The following LUZP2 variants were observed in gnomAD, a reference collection of about 807,000 sequenced individuals.
LUZP2 encodes leucine zipper protein 2.
LUZP2 carries 52 observed loss-of-function variants against 51.6 expected under a neutral mutation model. The observed-to-expected ratio is 1.01, with a 90% CI of 0.81 to 1.27. The LOEUF (loss-of-function observed/expected upper bound fraction) is 1.27. Among genes scored for constraint, LUZP2 ranks in the 50% most tolerant of loss-of-function variants. LUZP2 has a pLI of 0.00. For synonymous variants in LUZP2, 154 were observed against 137.3 expected (o/e 1.12, Z -0.85); for missense variants, 436 against 395.4 (o/e 1.10, Z -0.87).
chr11:25,077,477 T>G lies in LUZP2; in HGVS notation c.936+71T>G, dbSNP rs7945044. ...ATCCATTGTATTTATTTATTTATTT[T>G]TATTTATATTATTTTTTATTTTTTA... is the stretch of plus-strand genomic sequence containing the variant. On this transcript the variant is annotated intron_variant, in intron 11 of 11. Coordinates refer to ENST00000336930, the MANE Select transcript of LUZP2 (RefSeq NM_001009909.4). The G allele has an allele frequency of 3.6e-3, 2,144 of 589,352 alleles. 41 individuals are homozygous for G. In the African/African-American group the frequency reaches 0.038, roughly 10 times the overall value. The allele number at this position is 589,352 out of a possible 1,614,324, so 36.5% of individuals were successfully genotyped here. A position where few individuals can be genotyped will look rare whatever the true frequency, so the allele number is the denominator to read the frequency against.
At chr11:24,622,531 G>A (rs981012845) in intron 1 of LUZP2, among the ~76,000 whole-genome samples, 12 of 152,034 alleles carry the variant, frequency 7.9e-5, no homozygotes, top group African/African-American at 2.7e-4. Context: ...CTTTATTCAG[G>A]TAGATTTTTT....
intron 1 of LUZP2, among the ~76,000 whole-genome samples, chr11:24,707,290 C>T (rs1237428919): frequency 6.6e-6 from 1 of 151,110 alleles, no homozygotes; most frequent in Non-Finnish European, 1.5e-5. Flanking sequence ...CTCTCTCTCT[C>T]TCTCATTCTG....
At chr11:24,787,229 A>G (rs1340989121) in intron 5 of LUZP2, among the ~76,000 whole-genome samples, 2 of 152,196 alleles carry the variant, frequency 1.3e-5, no homozygotes, top group Non-Finnish European at 2.9e-5. Context: ...ACATTGAAGT[A>G]TCAGTTGTGT....
intron 1 of LUZP2, among the ~76,000 whole-genome samples, chr11:24,634,045 C>T (rs1012572877): frequency 2.6e-5 from 4 of 151,708 alleles, no homozygotes; most frequent in Admixed American, 2.0e-4. Flanking sequence ...AGCTGAGACT[C>T]TGAAGACAGA....
intron 8 of LUZP2, among the ~76,000 whole-genome samples, chr11:24,979,203 G>A (rs571750698): frequency 3.3e-5 from 5 of 151,884 alleles, no homozygotes; most frequent in Non-Finnish European, 7.4e-5. Flanking sequence ...TACTGAATGA[G>A]ATCACAGACT....
At chr11:24,683,835 G>A (rs975044342) in intron 1 of LUZP2, among the ~76,000 whole-genome samples, 3 of 151,960 alleles carry the variant, frequency 2.0e-5, no homozygotes, top group Non-Finnish European at 4.4e-5. Flanking sequence ...CTCAGTTCAT[G>A]CTGTTTGTCT....
chr11:24,931,249 TAAAATAAAATAAAATAAA>T, intron 7 of LUZP2, among the ~76,000 whole-genome samples: 1 of 149,568 alleles, frequency 6.7e-6, no homozygotes, highest in Non-Finnish European at 1.5e-5. Flanking sequence ...TAAAATAAAA[TAAAATAAAATAAAATAAA>T]ATAAAAAGTT....
chr11:25,071,519 A>G (rs939227354), intron 10 of LUZP2, among the ~76,000 whole-genome samples: 8 of 152,054 alleles, frequency 5.3e-5, no homozygotes, highest in Admixed American at 2.0e-4. Context: ...AAACTTATCA[A>G]TGAAGCACCT....
At chr11:24,828,126 A>G (rs1375697953) in intron 5 of LUZP2, among the ~76,000 whole-genome samples, 1 of 152,168 alleles carries the variant, frequency 6.6e-6, no homozygotes, top group East Asian at 1.9e-4. Context: ...AATGAAAGAT[A>G]GGTAAGTGAG....
intron 1 of LUZP2, among the ~76,000 whole-genome samples, chr11:24,698,794 A>G (rs746391767): frequency 3.9e-5 from 6 of 152,054 alleles, no homozygotes; most frequent in Non-Finnish European, 8.8e-5. Context: ...CCAGGCTCAC[A>G]CTTGTAATCC....
intron 5 of LUZP2, chr11:24,890,844 T>C (rs1244307205): frequency 1.1e-6 from 1 of 883,828 alleles, no homozygotes; most frequent in African/African-American, 1.9e-5. Context: ...AAATCACATA[T>C]AGAAAAAATA....
chr11:24,644,140 G>A (rs1472073800), intron 1 of LUZP2, among the ~76,000 whole-genome samples: 1 of 152,108 alleles, frequency 6.6e-6, no homozygotes, highest in Non-Finnish European at 1.5e-5. Flanking sequence ...GTCTTCCATT[G>A]AACGTGCTAC....
intron 9 of LUZP2, among the ~76,000 whole-genome samples, chr11:25,044,429 A>G (rs1408742250): frequency 1.3e-5 from 2 of 151,800 alleles, no homozygotes; most frequent in Non-Finnish European, 2.9e-5. Context: ...TTCTTTCCAC[A>G]AGGAGCCATC....
intron 1 of LUZP2, among the ~76,000 whole-genome samples, chr11:24,586,708 G>T (rs145115401): frequency 6.6e-6 from 1 of 152,180 alleles, no homozygotes; most frequent in East Asian, 1.9e-4. Context: ...CAAGCAAGAT[G>T]CCTTTAGTGT....
chr11:25,050,418 C>T (rs1858466143), intron 10 of LUZP2, among the ~76,000 whole-genome samples: 1 of 149,856 alleles, frequency 6.7e-6, no homozygotes, highest in African/African-American at 2.4e-5. Context: ...CATTCTCCTG[C>T]CTCAGCCTCC....
At chr11:24,769,741 C>T (rs911418334) in intron 5 of LUZP2, among the ~76,000 whole-genome samples, 5 of 146,194 alleles carry the variant, frequency 3.4e-5, no homozygotes, top group Non-Finnish European at 7.4e-5. Flanking sequence ...GAGACTCATT[C>T]GATAGCTCAA....
At chr11:24,647,888 T>C (rs1160738912) in intron 1 of LUZP2, among the ~76,000 whole-genome samples, 4 of 151,972 alleles carry the variant, frequency 2.6e-5, no homozygotes, top group African/African-American at 9.6e-5. Flanking sequence ...AAGAGCTATA[T>C]AGTACCTACC....
chr11:24,705,988 G>T (rs981996041), intron 1 of LUZP2, among the ~76,000 whole-genome samples: 8 of 151,030 alleles, frequency 5.3e-5, no homozygotes, highest in Non-Finnish European at 8.8e-5. Context: ...AGAAAGCATT[G>T]AGTGACAGCT....
chr11:24,821,466 C>A (rs1456868487), intron 5 of LUZP2, among the ~76,000 whole-genome samples: 5 of 152,086 alleles, frequency 3.3e-5, no homozygotes, highest in African/African-American at 1.2e-4. Flanking sequence ...AACTATTTTA[C>A]CGACTTCATT....
Sources: allele counts gnomAD v4.1 joint callset (sites outside exome capture counted in the v4.1 genomes callset), GRCh38; gene constraint gnomAD v4.1.1; transcripts MANE v1.5; gene names NCBI Gene and HGNC (gene_info 2026-07-23, HGNC 2026-07-21).